MTDH: variants seen among roughly 807,000 people sequenced by gnomAD.
The protein encoded by MTDH is protein LYRIC.
In MTDH, 34 loss-of-function variants were observed where a neutral mutation model predicts 72.7. The observed-to-expected ratio is 0.47, with a 90% CI of 0.36 to 0.62. The LOEUF is 0.62. Ranked by LOEUF, MTDH falls within the 20% of genes least tolerant of loss-of-function variation. The pLI, the probability that MTDH is intolerant of heterozygous loss-of-function variation, is 0.00. For synonymous variants in MTDH, 266 were observed against 268.9 expected (o/e 0.99, Z 0.10); for missense variants, 677 against 699.4 (o/e 0.97, Z 0.36).
Position 97,730,043 on chromosome 8 carries a change from G to T in MTDH, c.*5373G>T, listed in dbSNP as rs962137521. 6.6e-6 allele frequency among the ~76,000 whole-genome samples: 1 copy of T among 152,196 alleles called. No homozygotes were observed. Among genetic ancestry groups the T allele is most frequent in the Non-Finnish European group, 1.5e-5 (1 of 68,032 alleles). On this transcript the variant is annotated 3_prime_UTR_variant, in exon 12 of 12. Coordinates refer to ENST00000336273, the MANE Select transcript of MTDH (RefSeq NM_178812.4). ...CATCATGACATGTATATAGTGTGTT[G>T]TAAGACATTTGCCAGCTAATAGTTA...
At chr8:97,652,109 C>T (rs1049903550) in intron 1 of MTDH, among the ~76,000 whole-genome samples, 2 of 152,222 alleles carry the variant, frequency 1.3e-5, no homozygotes, top group African/African-American at 4.8e-5. Context: ...TTTACTGCAT[C>T]CAGTCCTTTC....
chr8:97,664,538 A>G (rs545401687), intron 2 of MTDH, among the ~76,000 whole-genome samples: 2 of 152,320 alleles, frequency 1.3e-5, no homozygotes, highest in South Asian at 2.1e-4. Context: ...AATACATGCT[A>G]CAACTCATGG....
At position 97,681,125 on chromosome 8, in the gene MTDH, G is replaced by GA. The variant is rs111249655; in HGVS notation, c.484-5533dup. On this transcript the variant is annotated intron_variant, in intron 2 of 11. Transcript: ENST00000336273. ...ATGGAGTGGAACGTGAGCTGGGTCA[G>GA]AAAAAAAAAATGAGTACAGGCCATT... 7.3e-3 allele frequency among the ~76,000 whole-genome samples: 1,089 copies of GA among 148,358 alleles called. 19 individuals carry two copies. Among genetic ancestry groups the GA allele is most frequent in the African/African-American group, 0.025 (1,001 of 40,570 alleles).
At chr8:97,697,150 A>ATATATTT in intron 6 of MTDH, among the ~76,000 whole-genome samples, 11 of 68,782 alleles carry the variant, frequency 1.6e-4, no homozygotes, top group South Asian at 1.2e-3. Flanking sequence ...ATATATATAT[A>ATATATTT]TTTTTTTTTT....
At chr8:97,673,325 A>G (rs1812707261) in intron 2 of MTDH, among the ~76,000 whole-genome samples, 1 of 151,990 alleles carries the variant, frequency 6.6e-6, no homozygotes, top group African/African-American at 2.4e-5. Flanking sequence ...GTTCAAGACG[A>G]GCCTGGGCAA....
chr8:97,674,005 A>G (rs1311427612), intron 2 of MTDH, among the ~76,000 whole-genome samples: 1 of 152,046 alleles, frequency 6.6e-6, no homozygotes, highest in East Asian at 1.9e-4. Flanking sequence ...AAATTTTTTT[A>G]ATTAGCCAGG....
chr8:97,716,136 C>G (rs1479572159), intron 9 of MTDH, among the ~76,000 whole-genome samples: 1 of 152,214 alleles, frequency 6.6e-6, no homozygotes, highest in Non-Finnish European at 1.5e-5. Flanking sequence ...CCTATAATCC[C>G]AGCACTTTGG....
chr8:97,664,488 C>G (rs867975714), intron 2 of MTDH, among the ~76,000 whole-genome samples: 2 of 152,112 alleles, frequency 1.3e-5, no homozygotes, highest in Non-Finnish European at 2.9e-5. Flanking sequence ...AAGTTTCTAC[C>G]TTTGGTTTCT....
rs1393782710 is a variant in MTDH at position 97,729,095 on chromosome 8, T to C, written c.*4425T>C. ...CCACCATGCCTGGCTAAATTTTTTT[T>C]TTTTTTTTTTGGTAGAGATGAGGTC... On this transcript the variant is annotated 3_prime_UTR_variant, in exon 12 of 12. Transcript: ENST00000336273. Among the ~76,000 whole-genome samples, 1 of 151,412 alleles carries C rather than the reference T, an allele frequency of 6.6e-6. No individual in the cohort carries two copies. Among genetic ancestry groups the C allele is most frequent in the Non-Finnish European group, 1.5e-5 (1 of 67,830 alleles).
intron 6 of MTDH, among the ~76,000 whole-genome samples, chr8:97,697,150 A>ATATATTTTTTTTTTT: frequency 4.4e-5 from 3 of 68,794 alleles, no homozygotes; most frequent in African/African-American, 2.7e-4. Context: ...ATATATATAT[A>ATATATTTTTTTTTTT]TTTTTTTTTT....
rs1815435940 is a variant in MTDH, at chr8:97,728,376, A to G, written c.*3706A>G. On this transcript the variant is annotated 3_prime_UTR_variant, in exon 12 of 12. Coordinates refer to ENST00000336273, the MANE Select transcript of MTDH (RefSeq NM_178812.4). ...TTGTTTTCCTAAAACCATAGGTGCA[A>G]GCTTTGCCGCTGGGAAGTCATATTG... 1 of 152,222 alleles carries G rather than the reference A, an allele frequency of 6.6e-6. No individual in the cohort carries two copies. The highest frequency in any genetic ancestry group is 2.4e-5 in the African/African-American group (1 of 41,458). The allele number at this position is 152,222 out of a possible 1,614,324, so 9.4% of individuals were successfully genotyped here.
intron 2 of MTDH, among the ~76,000 whole-genome samples, chr8:97,669,645 A>G (rs1175179197): frequency 1.3e-5 from 2 of 151,866 alleles, no homozygotes; most frequent in South Asian, 2.1e-4. Context: ...CGCCAATCAC[A>G]GTGGCTCATG....
In MTDH at chr8:97,719,128, C is replaced by A; in HGVS notation, c.1460C>A (p.Ala487Asp). 6.2e-7 allele frequency: 1 copy of A among 1,614,040 alleles called. No individual in the cohort carries two copies. Among genetic ancestry groups the A allele is most frequent in the East Asian group, 2.2e-5 (1 of 44,884 alleles). Residue 487 changes from alanine (A) to aspartate (D), a missense_variant, in exon 10 of 12, where the codon GCT (alanine) becomes GAT (aspartate). Physicochemically the swap from Ala to Asp is moderately radical, Grantham distance 126. This residue lies in a region of MTDH where 201 missense variants were observed against 204.5 expected (regional missense o/e 0.98). Coordinates refer to ENST00000336273, the MANE Select transcript of MTDH (RefSeq NM_178812.4). Reference sequence around the variant, plus strand: ...AAAACCCGTCCAAAACAGGAAAAAGCTTTTTCCTTGAAGACCATAAGCACT... The same window carrying A: ...AAAACCCGTCCAAAACAGGAAAAAGATTTTTCCTTGAAGACCATAAGCACT... Reference protein sequence around the residue: ...TSKTRPKQEKAFSLKTISTSD... With the variant: ...TSKTRPKQEKDFSLKTISTSD...
rs377476455 is a variant in MTDH at position 97,729,549 on chromosome 8, A to T, written c.*4879A>T. 2.3e-3 allele frequency among the ~76,000 whole-genome samples: 357 copies of T among 152,280 alleles called. 16 individuals are homozygous for T. The South Asian group carries it at 0.072, about 31-fold the overall frequency. On this transcript the variant is annotated 3_prime_UTR_variant, in exon 12 of 12. Transcript: ENST00000336273. ...ATACATTGTGTATCTCCTGCACCAA[A>T]GCATTTTTGAGATCAAGTGTTCTTC...
In MTDH at chr8:97,657,970, G is replaced by C. The variant is rs745958550; in HGVS notation, c.382-3102G>C. On this transcript the variant is annotated intron_variant, in intron 1 of 11. Transcript: ENST00000336273. ...TAAGTATGATTAGTGATTTTCCAGGGCAAGGCCTTCTCGACCAGCTGTTGG... is the reference window on the plus strand; with the variant it reads ...TAAGTATGATTAGTGATTTTCCAGGCCAAGGCCTTCTCGACCAGCTGTTGG... 7.4e-4 allele frequency among the ~76,000 whole-genome samples: 113 copies of C among 152,136 alleles called. 1 individual carries two copies. Among genetic ancestry groups the C allele is most frequent in the Non-Finnish European group, 1.4e-3 (97 of 68,030 alleles).
intron 1 of MTDH, among the ~76,000 whole-genome samples, chr8:97,658,467 AGTT>A (rs1222047703): frequency 1.3e-5 from 2 of 152,208 alleles, no homozygotes; most frequent in Admixed American, 6.5e-5. Context: ...TATTGTTTGC[AGTT>A]GTTCTCACAT....
At position 97,723,035 on chromosome 8, in the gene MTDH, A is replaced by C; in HGVS notation, c.1678A>C (p.Thr560Pro). The C allele has an allele frequency of 1.2e-6, 2 of 1,612,786 alleles. No homozygotes were observed. Among genetic ancestry groups the C allele is most frequent in the Admixed American group, 3.4e-5 (2 of 59,636 alleles). The change falls in exon 11 of 12, where the codon ACC becomes CCC. Residue 560 changes from threonine (T) to proline (P), a missense_variant and splice_region_variant. Around this residue, in one of 3 missense-constraint regions of MTDH, gnomAD observed 201 missense variants for 204.5 expected, o/e 0.98. Transcript: ENST00000336273. ...GCAAAATAGTGTGCCTCCTTCACAG[A>C]GTAAGTAATCCTCATTTTTTGTTCC... ...TKQNSVPPSQ[T>P]KSETSWESPK...
chr8:97,716,577 A>G (rs1234144985), intron 9 of MTDH, among the ~76,000 whole-genome samples: 3 of 152,030 alleles, frequency 2.0e-5, no homozygotes, highest in Non-Finnish European at 2.9e-5. Context: ...AGTCCCAGCT[A>G]CTTGTGAAGT....
chr8:97,665,572 A>G (rs963536098), intron 2 of MTDH, among the ~76,000 whole-genome samples: 1 of 152,218 alleles, frequency 6.6e-6, no homozygotes, highest in Non-Finnish European at 1.5e-5. Context: ...GGTAGCCATA[A>G]AAAGATTGAC....
Sources: allele counts gnomAD v4.1 joint callset (sites outside exome capture counted in the v4.1 genomes callset), GRCh38; gene constraint gnomAD v4.1.1; regional missense constraint gnomAD v4.1.1; transcripts MANE v1.5; gene names NCBI Gene and HGNC (gene_info 2026-07-23, HGNC 2026-07-21).